WIF1: variants seen among roughly 807,000 people sequenced by gnomAD.
WIF1 encodes Wnt inhibitory factor 1.
A neutral mutation model predicts 53.5 loss-of-function variants in WIF1; 35 were observed. That is an observed-to-expected ratio of 0.65 (90% CI 0.50 to 0.87). The LOEUF (loss-of-function observed/expected upper bound fraction) is 0.87. WIF1 is among the 40% of genes least tolerant of loss of function. The pLI, the probability that WIF1 is intolerant of heterozygous loss-of-function variation, is 0.00. For synonymous variants in WIF1, 171 were observed against 170.4 expected, an observed-to-expected ratio of 1.00 and a Z score of -0.03; for missense variants, 467 against 476.8, an observed-to-expected ratio of 0.98 and a Z score of 0.19.
intron 2 of WIF1, among the ~76,000 whole-genome samples, chr12:65,103,990 A>G (rs908220657): frequency 1.3e-5 from 2 of 152,158 alleles, no homozygotes; most frequent in Non-Finnish European, 2.9e-5. Context: ...GCTTGAGCTC[A>G]GGAGGTTGGG....
At chr12:65,064,708 T>C (rs933166051) in intron 6 of WIF1, among the ~76,000 whole-genome samples, 4 of 152,182 alleles carry the variant, frequency 2.6e-5, no homozygotes, top group Middle Eastern at 3.2e-3. Flanking sequence ...ATTTGAAAGA[T>C]AAAATATTAC....
At chr12:65,106,594 C>T (rs1433919987) in intron 2 of WIF1, among the ~76,000 whole-genome samples, 1 of 152,118 alleles carries the variant, frequency 6.6e-6, no homozygotes, top group Non-Finnish European at 1.5e-5. Context: ...GATCCACCTG[C>T]CTCAGCCTCC....
At chr12:65,079,332 A>G (rs1026196144) in intron 2 of WIF1, among the ~76,000 whole-genome samples, 35 of 152,138 alleles carry the variant, frequency 2.3e-4, no homozygotes, top group African/African-American at 8.2e-4. Flanking sequence ...AAGTTTGAAT[A>G]GCCTTATGTC....
At chr12:65,073,953 G>A (rs1592392013) in intron 3 of WIF1, among the ~76,000 whole-genome samples, 2 of 152,114 alleles carry the variant, frequency 1.3e-5, no homozygotes, top group South Asian at 2.1e-4. Flanking sequence ...GGGCATATGT[G>A]TTCATATCAC....
chr12:65,068,321 G>C (rs1339672123), intron 4 of WIF1, among the ~76,000 whole-genome samples: 3 of 152,064 alleles, frequency 2.0e-5, no homozygotes, highest in Non-Finnish European at 4.4e-5. Context: ...GTGGCAGTCT[G>C]TCCTCCGTGG....
chr12:65,087,169 A>G (rs1383457219), intron 2 of WIF1, among the ~76,000 whole-genome samples: 1 of 152,090 alleles, frequency 6.6e-6, no homozygotes, highest in Non-Finnish European at 1.5e-5. Context: ...AATAAAACAA[A>G]ACAAAAATCC....
intron 2 of WIF1, among the ~76,000 whole-genome samples, chr12:65,085,494 A>G (rs12312864): frequency 0.03 from 4,604 of 152,338 alleles, 236 homozygotes; most frequent in African/African-American, 0.11. Context: ...GGAATGCTCA[A>G]CCTATATCAA....
chr12:65,101,997 C>T (rs1883288767), intron 2 of WIF1, among the ~76,000 whole-genome samples: 1 of 152,202 alleles, frequency 6.6e-6, no homozygotes, highest in Non-Finnish European at 1.5e-5. Flanking sequence ...CCTACTTTTT[C>T]ATTGTCTACT....
At chr12:65,062,451 G>A (rs1193307766) in intron 7 of WIF1, 30 bp downstream of exon 7, 6 of 1,580,788 alleles carry the variant, frequency 3.8e-6, no homozygotes, top group Non-Finnish European at 5.2e-6. Flanking sequence ...GTCTCCCCAA[G>A]TCAAAAGAAC....
chr12:65,108,018 AG>A (rs1178674384), intron 2 of WIF1, among the ~76,000 whole-genome samples: 1 of 152,254 alleles, frequency 6.6e-6, no homozygotes, highest in Admixed American at 6.5e-5. Flanking sequence ...ACAGTCTCAG[AG>A]TATGCTCTGA....
chr12:65,067,603 C>T, intron 5 of WIF1, 92 bp downstream of exon 5: 2 of 1,288,354 alleles, frequency 1.6e-6, no homozygotes, highest in Non-Finnish European at 2.2e-6. Context: ...AAAATAATTT[C>T]AGGTGTTAAA....
At position 65,077,354 on chromosome 12, in the gene WIF1, T is replaced by A. The variant is rs113762805; in HGVS notation, c.397+392A>T. ...TAATACAATGCTAACTTTTGGGGAA[T>A]TTTCTTGACTTATCCCATTTGCCCC... is the stretch of plus-strand genomic sequence containing the variant. On this transcript the variant is annotated intron_variant, in intron 3 of 9. Coordinates refer to ENST00000286574, the MANE Select transcript of WIF1 (RefSeq NM_007191.5). Among the ~76,000 whole-genome samples the A allele has an allele frequency of 2.3e-4, 22 of 94,966 alleles. 1 individual carries two copies. Among genetic ancestry groups the A allele is most frequent in the African/African-American group, 8.9e-4 (22 of 24,788 alleles). The allele number at this position is 94,966 out of a possible 152,430, so 62.3% of individuals were successfully genotyped here. A position where few individuals can be genotyped will look rare whatever the true frequency, so the allele number is the denominator to read the frequency against.
At chr12:65,070,748 T>G (rs1481309609) in intron 3 of WIF1, among the ~76,000 whole-genome samples, 1 of 152,130 alleles carries the variant, frequency 6.6e-6, no homozygotes, top group East Asian at 1.9e-4. Flanking sequence ...AAAAGGCCCT[T>G]CAGTTTTATT....
rs202177734 is a variant in WIF1, at chr12:65,086,718, TC to T, written c.289-8865del. 9.6e-3 allele frequency among the ~76,000 whole-genome samples: 1,446 copies of T among 150,528 alleles called. 28 individuals are homozygous for T. The highest frequency in any genetic ancestry group is 0.032 in the African/African-American group (1,332 of 41,046). ...GTGTTTCTTTCTTTTTTTTTTTTTTTCATCTCATCTCAAGGCTTACATTTGA... is the reference window on the plus strand; with the variant it reads ...GTGTTTCTTTCTTTTTTTTTTTTTTTATCTCATCTCAAGGCTTACATTTGA... On this transcript the variant is annotated intron_variant, in intron 2 of 9. Coordinates refer to ENST00000286574, the MANE Select transcript of WIF1 (RefSeq NM_007191.5).
chr12:65,058,106 A>G (rs548496558), intron 7 of WIF1, among the ~76,000 whole-genome samples: 76 of 150,550 alleles, frequency 5.0e-4, no homozygotes, highest in Non-Finnish European at 8.9e-4. Context: ...TTTTTTTGCC[A>G]GGTTTGAATA....
At chr12:65,058,674 G>A (rs1435586916) in intron 7 of WIF1, among the ~76,000 whole-genome samples, 2 of 152,150 alleles carry the variant, frequency 1.3e-5, no homozygotes. Context: ...TCTTCTTCCT[G>A]AAAATAGTTT....
At chr12:65,078,232 C>T (rs1882894622) in intron 2 of WIF1, among the ~76,000 whole-genome samples, 2 of 152,090 alleles carry the variant, frequency 1.3e-5, no homozygotes, top group African/African-American at 4.8e-5. Context: ...GCATGTACCA[C>T]CACGCCCTGC....
intron 2 of WIF1, among the ~76,000 whole-genome samples, chr12:65,093,485 T>C (rs1039245884): frequency 6.6e-6 from 1 of 152,174 alleles, no homozygotes; most frequent in Non-Finnish European, 1.5e-5. Context: ...TTTTAATTTC[T>C]AAAAATTGTT....
At chr12:65,071,612 A>G (rs1286305031) in intron 3 of WIF1, among the ~76,000 whole-genome samples, 2 of 152,156 alleles carry the variant, frequency 1.3e-5, no homozygotes, top group Non-Finnish European at 2.9e-5. Context: ...AATTTTTGCT[A>G]ATTTTATTTG....
Sources: allele counts gnomAD v4.1 joint callset (sites outside exome capture counted in the v4.1 genomes callset), GRCh38; gene constraint gnomAD v4.1.1; transcripts MANE v1.5; gene names NCBI Gene and HGNC (gene_info 2026-07-23, HGNC 2026-07-21).